The following ERBB4 variants were observed in gnomAD, a reference collection of about 807,000 sequenced individuals.
ERBB4 encodes erb-b2 receptor tyrosine kinase 4, also known as receptor tyrosine-protein kinase erbB-4.
A neutral mutation model predicts 158.0 loss-of-function variants in ERBB4; 42 were observed. The ratio of observed to expected loss-of-function variants is 0.27; its 90% CI spans 0.21 to 0.34. The LOEUF (loss-of-function observed/expected upper bound fraction) is 0.34. Ranked by LOEUF, ERBB4 falls within the 10% of genes least tolerant of loss-of-function variation. The pLI is 1.00. For missense variants in ERBB4, 1,333 were observed against 1,624.1 expected, an observed-to-expected ratio of 0.82 and a Z score of 3.08; for synonymous variants, 583 against 558.7, an observed-to-expected ratio of 1.04 and a Z score of -0.61.
intron 3 of ERBB4, among the ~76,000 whole-genome samples, chr2:211,809,491 T>C (rs766893202): frequency 4.6e-5 from 7 of 152,218 alleles, no homozygotes; most frequent in Non-Finnish European, 8.8e-5. Context: ...GTGTTTATAG[T>C]ATTCTCTGAT....
At chr2:211,722,368 T>C (rs2074128205) in intron 7 of ERBB4, 25 bp downstream of exon 7, 6 of 1,571,616 alleles carry the variant, frequency 3.8e-6, no homozygotes, top group Non-Finnish European at 5.3e-6. Flanking sequence ...CTAATTAATT[T>C]GGTTATTCTT....
chr2:211,771,175 T>C (rs1044936417), intron 4 of ERBB4, among the ~76,000 whole-genome samples: 14 of 152,222 alleles, frequency 9.2e-5, no homozygotes, highest in Non-Finnish European at 5.9e-5. Flanking sequence ...GCAGAATCTC[T>C]GAGTGAATTC....
At chr2:211,439,836 C>T (rs545718801) in intron 20 of ERBB4, among the ~76,000 whole-genome samples, 6 of 152,266 alleles carry the variant, frequency 3.9e-5, no homozygotes, top group African/African-American at 1.4e-4. Context: ...CACATTTAGG[C>T]TAAGCCCCAG....
chr2:212,280,360 T>G (rs1480923069), intron 1 of ERBB4, among the ~76,000 whole-genome samples: 5 of 151,546 alleles, frequency 3.3e-5, no homozygotes, highest in African/African-American at 1.2e-4. Context: ...GCATCTGATC[T>G]CCCCACTTGG....
chr2:211,752,013 C>T (rs747848036), intron 4 of ERBB4, among the ~76,000 whole-genome samples: 7 of 152,170 alleles, frequency 4.6e-5, no homozygotes, highest in Non-Finnish European at 1.0e-4. Flanking sequence ...TTGCCGCTGA[C>T]ATCACCAGTG....
chr2:212,232,181 G>T lies in ERBB4; in HGVS notation c.83-107278C>A, dbSNP rs567818469. ...ACAATAAATTAACATATTTATCAAT[G>T]AGTTAATATATGTTGTTTTTATATG... On this transcript the variant is annotated intron_variant, in intron 1 of 27. Transcript: ENST00000342788. Among the ~76,000 whole-genome samples, 12 of 152,076 alleles carry T rather than the reference G, an allele frequency of 7.9e-5. No individual in the cohort carries two copies. In the East Asian group the frequency reaches 2.1e-3, roughly 27 times the overall value.
chr2:212,042,879 T>TA (rs371937155), intron 2 of ERBB4, among the ~76,000 whole-genome samples: 349 of 152,306 alleles, frequency 2.3e-3, no homozygotes, highest in African/African-American at 8.2e-3. Flanking sequence ...AAATCTTTCT[T>TA]AGATAATTAC....
chr2:211,525,543 T>C (rs79934307), intron 20 of ERBB4, among the ~76,000 whole-genome samples: 18,404 of 152,160 alleles, frequency 0.12, 1,909 homozygotes, highest in African/African-American at 0.28. Context: ...AAGAACGATA[T>C]GCACATAGTA....
At chr2:211,790,352 A>G (rs2076253337) in intron 3 of ERBB4, among the ~76,000 whole-genome samples, 1 of 152,098 alleles carries the variant, frequency 6.6e-6, no homozygotes, top group Admixed American at 6.6e-5. Context: ...TAGCTCAAAC[A>G]TTGCAGAAAG....
At chr2:212,372,356 C>T (rs1303043000) in intron 1 of ERBB4, among the ~76,000 whole-genome samples, 1 of 152,070 alleles carries the variant, frequency 6.6e-6, no homozygotes, top group Admixed American at 6.6e-5. Flanking sequence ...TGATTTGATT[C>T]AAAATTAGGA....
intron 24 of ERBB4, 26 bp downstream of exon 24, chr2:211,421,981 T>TA (rs2063523491): frequency 6.8e-7 from 1 of 1,464,336 alleles, no homozygotes. Flanking sequence ...GGCCTAGTCT[T>TA]AAAGGCATAA....
chr2:212,120,173 T>C (rs990363450), intron 2 of ERBB4, among the ~76,000 whole-genome samples: 24 of 152,158 alleles, frequency 1.6e-4, no homozygotes, highest in Admixed American at 2.0e-4. Context: ...TGTTTCAGTG[T>C]GTTGGCTTTG....
intron 19 of ERBB4, among the ~76,000 whole-genome samples, chr2:211,585,873 T>C (rs2068259871): frequency 6.6e-6 from 1 of 152,184 alleles, no homozygotes; most frequent in Non-Finnish European, 1.5e-5. Flanking sequence ...AACACTCAGC[T>C]TCTGTTTCAT....
At chr2:212,382,290 G>GTATACA (rs2090529713) in intron 1 of ERBB4, among the ~76,000 whole-genome samples, 1 of 149,432 alleles carries the variant, frequency 6.7e-6, no homozygotes, top group South Asian at 2.1e-4. Flanking sequence ...TCATACACAT[G>GTATACA]TATACATATT....
At chr2:212,340,166 G>A (rs2088636929) in intron 1 of ERBB4, among the ~76,000 whole-genome samples, 1 of 151,730 alleles carries the variant, frequency 6.6e-6, no homozygotes, top group Non-Finnish European at 1.5e-5. Context: ...CTCCCAAAGT[G>A]CTGGTATTAT....
At chr2:211,691,568 ATGTG>A (rs61091828) in intron 12 of ERBB4, among the ~76,000 whole-genome samples, 226 of 139,150 alleles carry the variant, frequency 1.6e-3, no homozygotes, top group African/African-American at 4.1e-3. Context: ...ATAGAAACAT[ATGTG>A]TGTGTGTGTG....
chr2:212,229,885 T>C (rs937739684), intron 1 of ERBB4, among the ~76,000 whole-genome samples: 2 of 152,146 alleles, frequency 1.3e-5, no homozygotes, highest in Admixed American at 1.3e-4. Flanking sequence ...ATTAAAATGA[T>C]AAAGAATGTA....
At chr2:212,003,256 G>GGAAGGAAGGAAGGAAGGAAGGAAGGAAA (rs1553533251) in intron 2 of ERBB4, among the ~76,000 whole-genome samples, 1 of 92,432 alleles carries the variant, frequency 1.1e-5, no homozygotes, top group Non-Finnish European at 2.4e-5. Context: ...AAGGAAGGAA[G>GGAAGGAAGGAAGGAAGGAAGGAAGGAAA]GAAAGAGAGA....
chr2:212,446,593 A>G (rs1444248153), intron 1 of ERBB4, among the ~76,000 whole-genome samples: 51 of 13,174 alleles, frequency 3.9e-3, no homozygotes, highest in East Asian at 0.036. Flanking sequence ...ATATATATGT[A>G]TATATATATA....
Sources: gnomAD v4.1 joint callset for allele counts (sites outside exome capture counted in the v4.1 genomes callset) on GRCh38, gnomAD v4.1.1 for gene constraint, MANE v1.5 for transcripts, NCBI Gene and HGNC (gene_info 2026-07-23, HGNC 2026-07-21) for gene names.